Variants in XYLB observed in about 807,000 individuals in gnomAD.
XYLB encodes xylulokinase, also known as xylulose kinase.
In XYLB, 62 loss-of-function variants were observed where a neutral mutation model predicts 78.7. That is an observed-to-expected ratio of 0.79 (90% CI 0.64 to 0.97). The LOEUF (loss-of-function observed/expected upper bound fraction) is 0.97, where lower values mean the gene tolerates loss of function less well. Ranked by LOEUF, XYLB falls within the 50% of genes least tolerant of loss-of-function variation. The pLI, the probability that XYLB is intolerant of heterozygous loss-of-function variation, is 0.00. For synonymous variants in XYLB, 245 were observed against 247.4 expected, an observed-to-expected ratio of 0.99 and a Z score of 0.09; for missense variants, 687 against 676.8, an observed-to-expected ratio of 1.02 and a Z score of -0.17.
At chr3:38,430,280 T>A in the XYLB span, among the ~76,000 whole-genome samples, 1 of 152,352 alleles carries the variant, frequency 6.6e-6, no homozygotes. Context: ...TCACTGTGGT[T>A]TGATTTGCAT....
At chr3:38,401,289 T>G (rs1708115978) in intron 18 of XYLB, among the ~76,000 whole-genome samples, 1 of 152,086 alleles carries the variant, frequency 6.6e-6, no homozygotes, top group South Asian at 2.1e-4. Context: ...GATCCATCAC[T>G]GAAATTCAAG....
At chr3:38,440,579 A>T in the XYLB span, among the ~76,000 whole-genome samples, 1 of 152,140 alleles carries the variant, frequency 6.6e-6, no homozygotes, top group Non-Finnish European at 1.5e-5. Flanking sequence ...TAAGCTTTAG[A>T]TCTCCTGTCA....
intron 11 of XYLB, among the ~76,000 whole-genome samples, chr3:38,374,737 C>G (rs1322705022): frequency 1.3e-5 from 2 of 152,118 alleles, no homozygotes; most frequent in Non-Finnish European, 2.9e-5. Flanking sequence ...GGGCAGGACC[C>G]CTGCCTGCTT....
the XYLB span, among the ~76,000 whole-genome samples, chr3:38,426,864 C>T: frequency 1.3e-5 from 2 of 152,198 alleles, no homozygotes; most frequent in Non-Finnish European, 2.9e-5. Context: ...GTCATGCACA[C>T]TGCTAAAAGT....
chr3:38,394,189 C>CT (rs1470097948), intron 15 of XYLB, among the ~76,000 whole-genome samples: 8 of 152,092 alleles, frequency 5.3e-5, no homozygotes, highest in Admixed American at 5.2e-4. Flanking sequence ...TTTAGATATT[C>CT]TTTTTTGTAC....
rs1179859534 is a variant in XYLB, at chr3:38,368,277, G to A, written c.646+20G>A. The stretch of plus-strand genomic sequence containing the variant: ...GTGATGGTGAGCCTCGGGGTATGGG[G>A]TGGGTGCCTGGGCAGTGTGCATGTG... On this transcript the variant is annotated intron_variant, in intron 8 of 18. Coordinates refer to ENST00000207870, the MANE Select transcript of XYLB (RefSeq NM_005108.4). 1.9e-6 allele frequency: 3 copies of A among 1,612,748 alleles called. No individual in the cohort carries two copies. Among genetic ancestry groups the A allele is most frequent in the Admixed American group, 1.7e-5 (1 of 60,018 alleles).
the XYLB span, among the ~76,000 whole-genome samples, chr3:38,438,600 A>C: frequency 1.4e-4 from 21 of 152,350 alleles, no homozygotes; most frequent in South Asian, 3.9e-3. Context: ...GCTGACTTTA[A>C]GAATGAAGCT....
At chr3:38,390,761 C>T (rs903307034) in intron 15 of XYLB, among the ~76,000 whole-genome samples, 28 of 152,296 alleles carry the variant, frequency 1.8e-4, no homozygotes, top group Middle Eastern at 3.4e-3. Flanking sequence ...TCAAGCAATC[C>T]TCCTCCTGCC....
the XYLB span, among the ~76,000 whole-genome samples, chr3:38,438,694 C>T: frequency 6.6e-6 from 1 of 152,130 alleles, no homozygotes; most frequent in East Asian, 1.9e-4. Context: ...TTGTGAAGAG[C>T]AAAAGAACAA....
In XYLB at chr3:38,346,855, T is replaced by C; in HGVS notation, c.-14T>C. 6 of 1,513,092 alleles carry C rather than the reference T, an allele frequency of 4.0e-6. No homozygotes were observed. The highest frequency in any genetic ancestry group is 5.3e-6 in the Non-Finnish European group (6 of 1,132,994). 93.7% of individuals were successfully genotyped at this position (1,513,092 alleles called of 1,614,324 possible). On this transcript the variant is annotated 5_prime_UTR_variant, in exon 1 of 19. Coordinates refer to ENST00000207870, the MANE Select transcript of XYLB (RefSeq NM_005108.4). Reference sequence around the variant, plus strand: ...CGGACGGACTGACGGACGCGCAGCCTTACCCGAAAGGCCATGGCGGAGCAC... The same window carrying C: ...CGGACGGACTGACGGACGCGCAGCCCTACCCGAAAGGCCATGGCGGAGCAC...
intron 18 of XYLB, among the ~76,000 whole-genome samples, chr3:38,405,347 G>A (rs1294538648): frequency 6.7e-6 from 1 of 148,770 alleles, no homozygotes. Context: ...GACCAGCCTG[G>A]GCAAACATGA....
chr3:38,367,816 C>T lies in XYLB; in HGVS notation c.574-369C>T, dbSNP rs540961201. Among the ~76,000 whole-genome samples, 40 of 152,248 alleles carry T rather than the reference C, an allele frequency of 2.6e-4. 1 individual carries two copies. Among genetic ancestry groups the T allele is most frequent in the African/African-American group, 9.4e-4 (39 of 41,546 alleles). ...GGCCACACATCCACTTCCCTTGTAACCAGAAGGAAATGCCAAGGAGATAGA... is the reference window on the plus strand; with the variant it reads ...GGCCACACATCCACTTCCCTTGTAATCAGAAGGAAATGCCAAGGAGATAGA... On this transcript the variant is annotated intron_variant, in intron 7 of 18. Coordinates refer to ENST00000207870, the MANE Select transcript of XYLB (RefSeq NM_005108.4).
chr3:38,367,900 C>T (rs1706348211), intron 7 of XYLB, among the ~76,000 whole-genome samples: 1 of 152,198 alleles, frequency 6.6e-6, no homozygotes, highest in East Asian at 1.9e-4. Flanking sequence ...AATGCAGCTT[C>T]CCTAAGCCCT....
chr3:38,365,753 G>A lies in XYLB; in HGVS notation c.507+17G>A, dbSNP rs756680816. ...GCCTATGAGGTAGGCTGAGGATGCG[G>A]GGGGTGCAGGGGGTGGTCTGGTTGC... On this transcript the variant is annotated intron_variant, in intron 6 of 18. Transcript: ENST00000207870. 1.1e-5 allele frequency: 17 copies of A among 1,601,470 alleles called. No individual in the cohort carries two copies. The African/African-American group carries it at 2.0e-4, about 19-fold the overall frequency.
chr3:38,355,579 C>T (rs1025852062), intron 2 of XYLB, among the ~76,000 whole-genome samples: 2 of 152,226 alleles, frequency 1.3e-5, no homozygotes, highest in Non-Finnish European at 2.9e-5. Context: ...ATTTCCCTTT[C>T]TTCCTAGGCA....
At position 38,395,522 on chromosome 3, in the gene XYLB, T is replaced by C; in HGVS notation, c.1309T>C (p.Leu437=). 1.2e-6 allele frequency: 2 copies of C among 1,614,230 alleles called. No homozygotes were observed. Among genetic ancestry groups the C allele is most frequent in the Non-Finnish European group, 1.7e-6 (2 of 1,180,052 alleles). Residue 437 remains leucine (L), a synonymous_variant, in exon 16 of 19, where the codon TTG becomes CTG. Transcript: ENST00000207870. ...CCTTGCAGTGTCCAAGACAAAGATTTTGGCCACAGGAGGAGCATCTCACAA... is the reference window on the plus strand; with the variant it reads ...CCTTGCAGTGTCCAAGACAAAGATTCTGGCCACAGGAGGAGCATCTCACAA... ...GYRVMSKTKI[L]ATGGASHNRE...
At chr3:38,423,913 A>C (rs1438226350), downstream of XYLB, among the ~76,000 whole-genome samples, 1 of 152,204 alleles carries the variant, frequency 6.6e-6, no homozygotes, top group Non-Finnish European at 1.5e-5. Flanking sequence ...CCATTGTGCC[A>C]CAGAAAGTAA....
chr3:38,433,479 G>T, the XYLB span, among the ~76,000 whole-genome samples: 1 of 152,156 alleles, frequency 6.6e-6, no homozygotes, highest in South Asian at 2.1e-4. Context: ...GCATCATCAG[G>T]CTGCAAATTT....
chr3:38,406,871 T>A (rs1708345280), intron 18 of XYLB, among the ~76,000 whole-genome samples: 1 of 151,990 alleles, frequency 6.6e-6, no homozygotes, highest in South Asian at 2.1e-4. Context: ...CTCCAGGAAA[T>A]ATGGGACTAT....
Sources: allele counts gnomAD v4.1 joint callset (sites outside exome capture counted in the v4.1 genomes callset), GRCh38; gene constraint gnomAD v4.1.1; transcripts MANE v1.5; gene names NCBI Gene and HGNC (gene_info 2026-07-23, HGNC 2026-07-21).